The following ELAC1 variants were observed in gnomAD, a reference collection of about 807,000 sequenced individuals.
ELAC1 encodes zinc phosphodiesterase ELAC protein 1.
ELAC1 carries 19 observed loss-of-function variants against 25.8 expected under a neutral mutation model. The ratio of observed to expected loss-of-function variants is 0.74; its 90% CI spans 0.51 to 1.08. ELAC1 has a LOEUF of 1.08. Ranked by LOEUF, ELAC1 falls within the 50% of genes least tolerant of loss-of-function variation. ELAC1 has a pLI of 0.00. For synonymous variants in ELAC1, 148 were observed against 160.9 expected (o/e 0.92, Z 0.61); for missense variants, 403 against 434.6 (o/e 0.93, Z 0.65).
At chr18:50,971,880 GTATA>G (rs1052790748) in intron 1 of ELAC1, among the ~76,000 whole-genome samples, 16 of 120,622 alleles carry the variant, frequency 1.3e-4, no homozygotes, top group East Asian at 7.0e-4. Context: ...GTGTATATAT[GTATA>G]TATATGTATA....
At chr18:50,977,131 A>G (rs1389138548) in intron 2 of ELAC1, among the ~76,000 whole-genome samples, 1 of 152,160 alleles carries the variant, frequency 6.6e-6, no homozygotes, top group African/African-American at 2.4e-5. Flanking sequence ...CAGCTTTTCC[A>G]TGCACACAGT....
chr18:50,980,846 C>T (rs984307631), intron 2 of ELAC1, among the ~76,000 whole-genome samples: 6 of 151,778 alleles, frequency 4.0e-5, no homozygotes, highest in Non-Finnish European at 4.4e-5. Flanking sequence ...CTGTGACTCT[C>T]TAGTACTTCA....
chr18:50,981,636 T>C (rs1907950974), intron 2 of ELAC1, among the ~76,000 whole-genome samples: 4 of 152,132 alleles, frequency 2.6e-5, no homozygotes, highest in Admixed American at 2.0e-4. Flanking sequence ...GAAATCAGGT[T>C]TCTTGAAAAA....
intron 1 of ELAC1, among the ~76,000 whole-genome samples, chr18:50,972,632 G>A (rs566057133): frequency 1.3e-5 from 2 of 152,166 alleles, no homozygotes; most frequent in Admixed American, 6.5e-5. Context: ...ACAGGTGTGC[G>A]CCAGCATGCA....
In ELAC1 at chr18:50,974,608, C is replaced by T. The variant is rs1233891700; in HGVS notation, c.157+47C>T. On this transcript the variant is annotated intron_variant, in intron 2 of 3. Transcript: ENST00000269466. ...TCATTAAGATTTTTTTGTTGTTCTG[C>T]TTCATTTTCTTGGCTCTCCTTGGAC... The T allele has an allele frequency of 3.8e-6, 6 of 1,573,420 alleles. No homozygotes were observed. The South Asian group carries it at 6.7e-5, about 18-fold the overall frequency.
chr18:50,979,825 G>C (rs1907895549), intron 2 of ELAC1, among the ~76,000 whole-genome samples: 1 of 151,970 alleles, frequency 6.6e-6, no homozygotes, highest in Non-Finnish European at 1.5e-5. Flanking sequence ...CTCCCAGGTT[G>C]AAGTGATTCT....
chr18:50,981,024 A>C (rs1907935414), intron 2 of ELAC1, among the ~76,000 whole-genome samples: 1 of 152,058 alleles, frequency 6.6e-6, no homozygotes, highest in Non-Finnish European at 1.5e-5. Flanking sequence ...GATTTAATGT[A>C]CTCATGACCA....
intron 2 of ELAC1, among the ~76,000 whole-genome samples, chr18:50,979,962 C>G (rs1452421819): frequency 1.3e-5 from 2 of 152,106 alleles, no homozygotes; most frequent in Non-Finnish European, 2.9e-5. Flanking sequence ...AACTCCTGAG[C>G]TCAGGCAGTC....
chr18:50,977,522 G>A (rs769181737), intron 2 of ELAC1, among the ~76,000 whole-genome samples: 1 of 152,224 alleles, frequency 6.6e-6, no homozygotes, highest in Non-Finnish European at 1.5e-5. Flanking sequence ...TCCCAAGACT[G>A]CACGAAGCAG....
At chr18:50,970,298 C>T (rs1195135359) in intron 1 of ELAC1, among the ~76,000 whole-genome samples, 4 of 152,154 alleles carry the variant, frequency 2.6e-5, no homozygotes, top group Admixed American at 2.6e-4. Context: ...TTCTAATATG[C>T]CCCCGGGGTT....
intron 2 of ELAC1, among the ~76,000 whole-genome samples, chr18:50,983,638 C>A (rs1283978998): frequency 1.3e-5 from 2 of 150,236 alleles, no homozygotes; most frequent in African/African-American, 4.9e-5. Context: ...TGCTTAAGGC[C>A]AGGAGTTTGA....
intron 2 of ELAC1, among the ~76,000 whole-genome samples, chr18:50,983,705 A>C (rs1365563152): frequency 6.6e-6 from 1 of 151,486 alleles, no homozygotes; most frequent in East Asian, 1.9e-4. Flanking sequence ...AAAAAAAAAA[A>C]AAAACCAGGC....
rs1908047707 is a variant in ELAC1 at position 50,984,480 on chromosome 18, T to G, written c.542T>G (p.Phe181Cys). 4.3e-6 allele frequency: 7 copies of G among 1,614,208 alleles called. No individual in the cohort carries two copies. Among genetic ancestry groups the G allele is most frequent in the Non-Finnish European group, 5.9e-6 (7 of 1,180,032 alleles). The change falls in exon 3 of 4, where the codon TTT becomes TGT. Residue 181 changes from phenylalanine to cysteine, a missense_variant. Coordinates refer to ENST00000269466, the MANE Select transcript of ELAC1 (RefSeq NM_018696.3). ...TTTGTTGTAAAAGCATTTCGCCTCT[T>G]TCACAGAATTCCCTCATTTGGGTTT... ...EQFVVKAFRL[F>C]HRIPSFGFSV...
chr18:50,981,682 A>G (rs969656728), intron 2 of ELAC1, among the ~76,000 whole-genome samples: 25 of 152,264 alleles, frequency 1.6e-4, no homozygotes, highest in African/African-American at 6.0e-4. Flanking sequence ...TGATAACTGT[A>G]GGAAGCAGTT....
At chr18:50,970,995 A>G (rs1907637512) in intron 1 of ELAC1, among the ~76,000 whole-genome samples, 1 of 152,242 alleles carries the variant, frequency 6.6e-6, no homozygotes, top group Non-Finnish European at 1.5e-5. Context: ...CAGTAGTTAC[A>G]GAAGACTCTA....
intron 2 of ELAC1, among the ~76,000 whole-genome samples, chr18:50,979,178 G>A (rs952151833): frequency 3.9e-5 from 6 of 152,198 alleles, no homozygotes; most frequent in Non-Finnish European, 8.8e-5. Context: ...TTAGTTATCT[G>A]ATACTATCTA....
Position 50,978,388 on chromosome 18 carries a change from A to G in ELAC1, c.157+3827A>G, listed in dbSNP as rs369710046. On this transcript the variant is annotated intron_variant, in intron 2 of 3. Coordinates refer to ENST00000269466, the MANE Select transcript of ELAC1 (RefSeq NM_018696.3). ...TAATCGCAGTTCCGCAAGGCTGGGG[A>G]GGCCCCACAATCATGGTGGAAGGCA... Among the ~76,000 whole-genome samples the G allele has an allele frequency of 3.9e-4, 60 of 152,312 alleles. No homozygotes were observed. The East Asian group carries it at 0.011, about 28-fold the overall frequency.
At chr18:50,970,248 C>T (rs143908553) in intron 1 of ELAC1, among the ~76,000 whole-genome samples, 1 of 152,280 alleles carries the variant, frequency 6.6e-6, no homozygotes. Flanking sequence ...AGCCACCGTA[C>T]CTGACCTTCA....
At chr18:50,984,595 G>T in intron 3 of ELAC1, 32 bp downstream of exon 3, 3 of 1,499,378 alleles carry the variant, frequency 2.0e-6, no homozygotes, top group Non-Finnish European at 2.8e-6. Context: ...GTTTTTTCCC[G>T]CCTTCTCATC....
Sources: gnomAD v4.1 joint callset for allele counts (sites outside exome capture counted in the v4.1 genomes callset) on GRCh38, gnomAD v4.1.1 for gene constraint, MANE v1.5 for transcripts, NCBI Gene and HGNC (gene_info 2026-07-23, HGNC 2026-07-21) for gene names.